The following COPZ2 variants were observed in gnomAD, a reference collection of about 807,000 sequenced individuals.
COPZ2 encodes the protein coat protein complex I subunit zeta 2.
A neutral mutation model predicts 33.2 loss-of-function variants in COPZ2; 30 were observed. The ratio of observed to expected loss-of-function variants is 0.90; its 90% CI spans 0.68 to 1.23. The LOEUF is 1.23. Ranked by LOEUF, COPZ2 falls within the 50% of genes most tolerant of loss-of-function variation. The pLI is 0.00. For missense variants in COPZ2, 263 were observed against 262.4 expected (o/e 1.00, Z -0.02); for synonymous variants, 89 against 102.6 (o/e 0.87, Z 0.80).
chr17:48,031,964 T>C (rs928176306), intron 6 of COPZ2, 192 bp downstream of exon 6: 7 of 609,382 alleles, frequency 1.1e-5, no homozygotes, highest in Middle Eastern at 2.6e-4. Flanking sequence ...TTGGCTAACA[T>C]TGAAATCAAC....
At chr17:48,047,646 G>GCCAACGTTCCGCCAACGTCCCA in the COPZ2 span, 3 of 152,180 alleles carry the variant, frequency 2.0e-5, no homozygotes, top group South Asian at 6.2e-4. Flanking sequence ...CCAACGTTCC[G>GCCAACGTTCCGCCAACGTCCCA]CCAACGTTCC....
chr17:48,037,767 G>C lies in COPZ2; in HGVS notation c.11C>G (p.Pro4Arg), dbSNP rs1384756798. Residue 4 changes from proline (P) to arginine (R), a missense_variant, in exon 1 of 9, where the codon CCC becomes CGC. Physicochemically the swap from Pro to Arg is moderately radical, Grantham distance 103 (BLOSUM62 -2). Transcript: ENST00000621465. This position sits in a 1 kb window ranked among gnomAD's most constrained non-coding sequence, Gnocchi z 5.6. MQR[P>R]EAWPRPHPGE... ...CGGGTGCGGACGTGGCCAGGCCTCG[G>C]GCCGCTGCATTCCGCTCGCCGCCTC... 1 of 1,027,374 alleles carries C rather than the reference G, an allele frequency of 9.7e-7. No individual in the cohort carries two copies. The highest frequency in any genetic ancestry group is 1.2e-6 in the Non-Finnish European group (1 of 859,540). The allele number at this position is 1,027,374 out of a possible 1,614,324, so 63.6% of individuals were successfully genotyped here. A position where few individuals can be genotyped will look rare whatever the true frequency, so the allele number is the denominator to read the frequency against.
chr17:48,035,743 T>A (rs2036972606), intron 2 of COPZ2, among the ~76,000 whole-genome samples: 1 of 149,906 alleles, frequency 6.7e-6, no homozygotes, highest in East Asian at 2.0e-4. Flanking sequence ...ATTTCTTTTC[T>A]TTTTCTTTTC....
the COPZ2 span, chr17:48,047,738 C>G: frequency 2.0e-5 from 3 of 152,258 alleles, no homozygotes; most frequent in African/African-American, 4.8e-5. Flanking sequence ...TGAGGCGCAA[C>G]CGTCCCTCAC....
chr17:48,033,468 TC>T (rs2036930172), intron 3 of COPZ2, among the ~76,000 whole-genome samples, 166 bp from the exon 4 acceptor site: 1 of 152,092 alleles, frequency 6.6e-6, no homozygotes, highest in Admixed American at 6.6e-5. Flanking sequence ...CCCGTGTCCT[TC>T]CCCTTATCTG....
chr17:48,032,854 G>GC, intron 4 of COPZ2, 113 bp from the exon 5 acceptor site: 1 of 813,532 alleles, frequency 1.2e-6, no homozygotes, highest in Non-Finnish European at 2.0e-6. Context: ...AGAGGCCTGG[G>GC]CTGGAGACTG....
At chr17:48,040,594 A>G (rs1361034848), upstream of COPZ2, among the ~76,000 whole-genome samples, 1 of 151,156 alleles carries the variant, frequency 6.6e-6, no homozygotes, top group Non-Finnish European at 1.5e-5. Context: ...CACCACGCCC[A>G]GCTAATTTTT....
chr17:48,029,449 T>C (rs1212062008), intron 6 of COPZ2: 4 of 505,280 alleles, frequency 7.9e-6, no homozygotes, highest in Non-Finnish European at 6.9e-6. Flanking sequence ...TGGTCTAGGA[T>C]GATCAGGTTG....
At chr17:48,026,846 C>T (rs2036825143) in intron 8 of COPZ2, among the ~76,000 whole-genome samples, 1 of 152,278 alleles carries the variant, frequency 6.6e-6, no homozygotes, top group South Asian at 2.1e-4. Flanking sequence ...GACGCCTCAG[C>T]AAACCCCTAG....
chr17:48,043,432 G>T, the COPZ2 span: 2 of 772,850 alleles, frequency 2.6e-6, no homozygotes, highest in Non-Finnish European at 3.1e-6. Flanking sequence ...GCTCCCTTGG[G>T]TACCAGCCTC....
chr17:48,036,628 G>A (rs561066226), intron 2 of COPZ2, among the ~76,000 whole-genome samples: 3 of 152,218 alleles, frequency 2.0e-5, no homozygotes, highest in African/African-American at 7.2e-5. Flanking sequence ...CAACTGGCCA[G>A]TAGCAGGATG....
rs1344467227 is a variant in COPZ2 at position 48,026,533 on chromosome 17, C to T, written c.586-58G>A. 3 of 1,306,566 alleles carry T rather than the reference C, an allele frequency of 2.3e-6. No homozygotes were observed. The African/African-American group carries it at 4.3e-5, about 19-fold the overall frequency. The allele number at this position is 1,306,566 out of a possible 1,614,324, so 80.9% of individuals were successfully genotyped here. ...TGAGAATGTCAAATGCCTCCATACA[C>T]AGTCATGGGGAGGTCCACAGCCCAC... On this transcript the variant is annotated intron_variant, in intron 8 of 8. Transcript: ENST00000621465.
chr17:48,044,837 T>C, the COPZ2 span, among the ~76,000 whole-genome samples: 5 of 152,212 alleles, frequency 3.3e-5, no homozygotes, highest in East Asian at 7.7e-4. Context: ...ATTCCTACCA[T>C]CTCTCAGGAC....
intron 2 of COPZ2, among the ~76,000 whole-genome samples, chr17:48,036,022 T>C (rs1707716531): frequency 6.6e-6 from 1 of 152,224 alleles, no homozygotes; most frequent in South Asian, 2.1e-4. Flanking sequence ...CCCAAAGTGC[T>C]GGGATTACAG....
chr17:48,033,652 G>T (rs946337995), intron 3 of COPZ2, among the ~76,000 whole-genome samples: 3 of 152,190 alleles, frequency 2.0e-5, no homozygotes, highest in Non-Finnish European at 2.9e-5. Flanking sequence ...ATGCTGGGGG[G>T]TTGGGTAGTT....
rs775372331 is a variant in COPZ2, at chr17:48,033,914, C to A, written c.217G>T (p.Glu73Ter). ...ACATTTTTCTCGAAAACCATCTGCT[C>A]CTTCATGGAGGGGAATGTGTCATCA... ...YYDDTFPSMK[E>*]QMVFEKNVFN... Residue 73 changes from glutamate to a stop codon, truncating the protein, a stop_gained, in exon 3 of 9, where the codon GAG (glutamate) becomes TAG (stop). Coordinates refer to ENST00000621465, the MANE Select transcript of COPZ2 (RefSeq NM_016429.4). LOFTEE classifies it high-confidence loss of function. 1 of 1,611,666 alleles carries A rather than the reference C, an allele frequency of 6.2e-7. No individual in the cohort carries two copies. The highest frequency in any genetic ancestry group is 2.2e-5 in the East Asian group (1 of 44,842).
chr17:48,028,570 A>G lies in COPZ2; in HGVS notation c.547-60T>C. The G allele has an allele frequency of 6.5e-7, 1 of 1,550,268 alleles. No individual in the cohort carries two copies. Among genetic ancestry groups the G allele is most frequent in the Non-Finnish European group, 8.8e-7 (1 of 1,138,796 alleles). On this transcript the variant is annotated intron_variant, in intron 7 of 8. Transcript: ENST00000621465. This position sits in a 1 kb window ranked among gnomAD's most constrained non-coding sequence, Gnocchi z 4.5. ...CCAGCATGAGGGTCCTGGGTCAGGG[A>G]GGTGAAGGAAAGGGGCTTGGGGGTA...
chr17:48,038,033 A>G (rs2037021280), upstream of COPZ2: 1 of 232,868 alleles, frequency 4.3e-6, no homozygotes, highest in African/African-American at 2.4e-5. Flanking sequence ...AGGGTGCCCC[A>G]AGACCAGCCC....
chr17:48,039,155 TA>T (rs1444926583), upstream of COPZ2, among the ~76,000 whole-genome samples: 13 of 152,142 alleles, frequency 8.5e-5, no homozygotes, highest in South Asian at 2.5e-3. Context: ...TTTATTTTTT[TA>T]TTTTTTTTAT....
Sources: allele counts gnomAD v4.1 joint callset (sites outside exome capture counted in the v4.1 genomes callset), GRCh38; gene constraint gnomAD v4.1.1; non-coding constraint Gnocchi (gnomAD v3.1); transcripts MANE v1.5; gene names NCBI Gene and HGNC (gene_info 2026-07-23, HGNC 2026-07-21).